The following GLIS2 variants were observed in gnomAD, a reference collection of about 807,000 sequenced individuals.
The protein encoded by GLIS2 is GLIS family zinc finger 2, also known as zinc finger protein GLIS2.
GLIS2 carries 14 observed loss-of-function variants against 35.6 expected under a neutral mutation model. That is an observed-to-expected ratio of 0.39 (90% CI 0.26 to 0.61). The LOEUF (loss-of-function observed/expected upper bound fraction) is 0.61. Ranked by LOEUF, GLIS2 falls within the 20% of genes least tolerant of loss-of-function variation. The pLI is 0.48. For missense variants in GLIS2, 675 were observed against 713.4 expected, an observed-to-expected ratio of 0.95 and a Z score of 0.61; for synonymous variants, 368 against 325.1, an observed-to-expected ratio of 1.13 and a Z score of -1.42.
At chr16:4,333,567 G>A in intron 3 of GLIS2, 48 bp downstream of exon 3, 1 of 1,561,590 alleles carries the variant, frequency 6.4e-7, no homozygotes, top group Admixed American at 1.8e-5. Flanking sequence ...TGGTTTCCTG[G>A]GGTTGCCATG....
chr16:4,327,812 C>G (rs556078437), intron 1 of GLIS2, among the ~76,000 whole-genome samples: 4 of 151,886 alleles, frequency 2.6e-5, no homozygotes, highest in African/African-American at 9.7e-5. Context: ...CTTCCTCCCG[C>G]TCGCCCCGCT....
chr16:4,318,686 C>T (rs1165740038), intron 1 of GLIS2, among the ~76,000 whole-genome samples: 1 of 152,202 alleles, frequency 6.6e-6, no homozygotes, highest in Non-Finnish European at 1.5e-5. Context: ...CCAAGGCCCC[C>T]ACTCTCCCCT....
At chr16:4,327,545 G>A (rs1372634015) in intron 1 of GLIS2, among the ~76,000 whole-genome samples, 1 of 152,198 alleles carries the variant, frequency 6.6e-6, no homozygotes, top group Non-Finnish European at 1.5e-5. Context: ...TGGCTACCTG[G>A]CCTGGCCGGG....
chr16:4,336,470 A>C, intron 6 of GLIS2: 1 of 609,674 alleles, frequency 1.6e-6, no homozygotes, highest in Non-Finnish European at 2.9e-6. Flanking sequence ...TCTGCTGCTG[A>C]AAGGCACATC....
At chr16:4,330,695 C>A (rs558517502) in intron 1 of GLIS2, among the ~76,000 whole-genome samples, 2 of 152,230 alleles carry the variant, frequency 1.3e-5, no homozygotes, top group African/African-American at 4.8e-5. Flanking sequence ...GGCGGGAGTC[C>A]GGAGCATGGC....
Position 4,318,985 on chromosome 16 carries a change from T to TG in GLIS2, c.-67+2738dup, listed in dbSNP as rs1057169498. Among the ~76,000 whole-genome samples, 5 of 151,804 alleles carry TG rather than the reference T, an allele frequency of 3.3e-5. No individual in the cohort carries two copies. In the East Asian group the frequency reaches 5.8e-4, roughly 18 times the overall value. On this transcript the variant is annotated intron_variant, in intron 1 of 6. Coordinates refer to ENST00000433375, the MANE Select transcript of GLIS2 (RefSeq NM_032575.3). ...GATGTGGAGCTCTTGTGGGGCATCTTGGGGGGGCTCCTGGGGAGGCACTTT... is the reference window on the plus strand; with the variant it reads ...GATGTGGAGCTCTTGTGGGGCATCTTGGGGGGGGCTCCTGGGGAGGCACTTT...
intron 1 of GLIS2, among the ~76,000 whole-genome samples, 48 bp downstream of exon 1, chr16:4,316,302 G>A (rs1039627785): frequency 2.1e-5 from 3 of 141,502 alleles, no homozygotes; most frequent in East Asian, 2.1e-4. Context: ...GCCGGGGCGG[G>A]GGGGGGGGGG....
In GLIS2 at chr16:4,337,085, T is replaced by C. The variant is rs1209128641; in HGVS notation, c.1136T>C (p.Leu379Pro). The C allele has an allele frequency of 7.2e-6, 11 of 1,536,846 alleles. No homozygotes were observed. Among genetic ancestry groups the C allele is most frequent in the South Asian group, 3.6e-5 (3 of 83,918 alleles). Residue 379 changes from leucine to proline, a missense_variant, in exon 7 of 7, where the codon CTT (leucine) becomes CCT (proline). By Grantham distance (98) the Leu-to-Pro change is moderately conservative. This residue lies in a region of GLIS2 where 317 missense variants were observed against 283.2 expected (regional missense o/e 1.12). Transcript: ENST00000433375. ...CCCCTACCCCTGGCCCCCGGCCCCCTTGACCTCAGTGCCCTGGCCTGTGGC... is the reference window on the plus strand; with the variant it reads ...CCCCTACCCCTGGCCCCCGGCCCCCCTGACCTCAGTGCCCTGGCCTGTGGC... ...GLPLPLAPGP[L>P]DLSALACGNG...
At chr16:4,326,007 G>A (rs1467500715) in intron 1 of GLIS2, among the ~76,000 whole-genome samples, 2 of 150,832 alleles carry the variant, frequency 1.3e-5, no homozygotes, top group African/African-American at 4.9e-5. Flanking sequence ...GGGAGGCCGA[G>A]GTGGGCGGAT....
At position 4,335,065 on chromosome 16, in the gene GLIS2, C is replaced by G. The variant is rs774999005; in HGVS notation, c.528C>G (p.Asn176Lys). The G allele has an allele frequency of 1.2e-6, 2 of 1,613,520 alleles. No homozygotes were observed. Among genetic ancestry groups the G allele is most frequent in the Non-Finnish European group, 1.7e-6 (2 of 1,180,042 alleles). Residue 176 changes from asparagine (N) to lysine (K), a missense_variant, in exon 5 of 7, where the codon AAC (asparagine) becomes AAG (lysine). Asn to Lys is a moderately conservative substitution (Grantham distance 94). Around this residue, in one of 3 missense-constraint regions of GLIS2, gnomAD observed 225 missense variants for 238.7 expected, o/e 0.94. Transcript: ENST00000433375. The surrounding 1 kb of genome is among the most constrained non-coding windows in gnomAD (Gnocchi z 4.6). ...ACACTTCCCATCCTCCGCAGTGTAA[C>G]CAGCTCTTTGAGCTCCTGCAAGACC... is the stretch of plus-strand genomic sequence containing the variant. ...KQLVCRWAKC[N>K]QLFELLQDLV...
chr16:4,336,346 C>T (rs899485698), intron 6 of GLIS2: 6 of 418,818 alleles, frequency 1.4e-5, no homozygotes, highest in Non-Finnish European at 2.7e-5. Flanking sequence ...GGGGTCTCAC[C>T]ATGTTGGCCC....
Position 4,333,512 on chromosome 16 carries a change from G to C in GLIS2, c.338G>C (p.Ser113Thr). Reference sequence around the variant, plus strand: ...AACGGGGACCTGCCTCCAGTGCCCAGTGCCTCGGTAAGGAGGGGTGAGAGT... The same window carrying C: ...AACGGGGACCTGCCTCCAGTGCCCACTGCCTCGGTAAGGAGGGGTGAGAGT... Reference protein sequence around the residue: ...QGNGDLPPVPSASDFQPLRYL... With the variant: ...QGNGDLPPVPTASDFQPLRYL... Residue 113 changes from serine to threonine, a missense_variant, in exon 3 of 7, where the codon AGT (serine) becomes ACT (threonine). By Grantham distance (58) the Ser-to-Thr change is moderately conservative (BLOSUM62 1). Around this residue, in one of 3 missense-constraint regions of GLIS2, gnomAD observed 225 missense variants for 238.7 expected, o/e 0.94. Transcript: ENST00000433375. The C allele has an allele frequency of 6.2e-7, 1 of 1,609,894 alleles. No homozygotes were observed. The highest frequency in any genetic ancestry group is 1.7e-4 in the Middle Eastern group (1 of 6,054).
intron 1 of GLIS2, among the ~76,000 whole-genome samples, chr16:4,324,320 C>G (rs565691741): frequency 6.6e-6 from 1 of 152,344 alleles, no homozygotes; most frequent in African/African-American, 2.4e-5. Flanking sequence ...GCTCCTCCCC[C>G]TCCAGTCCTG....
rs573523792 is a variant in GLIS2, at chr16:4,320,414, C to T, written c.-67+4160C>T. 2.6e-5 allele frequency among the ~76,000 whole-genome samples: 4 copies of T among 152,114 alleles called. No homozygotes were observed. Among genetic ancestry groups the T allele is most frequent in the East Asian group, 1.9e-4 (1 of 5,166 alleles). On this transcript the variant is annotated intron_variant, in intron 1 of 6. Transcript: ENST00000433375. This position sits in a 1 kb window ranked among gnomAD's most constrained non-coding sequence, Gnocchi z 5.6. ...TGGTAGTCAAGAGGTCGTCGGAGGCCGGTGGGGGGAAACTGAGGCTCTGAG... is the reference window on the plus strand; with the variant it reads ...TGGTAGTCAAGAGGTCGTCGGAGGCTGGTGGGGGGAAACTGAGGCTCTGAG...
In GLIS2 at chr16:4,338,144, C is replaced by T. The variant is rs528954326; in HGVS notation, c.*620C>T. ...GCCTCCCACTAGTTAGGAGGAGGCCCGCTCTGCAGCCGCCGTCCTCACCCC... is the reference window on the plus strand; with the variant it reads ...GCCTCCCACTAGTTAGGAGGAGGCCTGCTCTGCAGCCGCCGTCCTCACCCC... On this transcript the variant is annotated 3_prime_UTR_variant, in exon 7 of 7. Transcript: ENST00000433375. The T allele has an allele frequency of 5.7e-5, 9 of 158,810 alleles. No homozygotes were observed. Among genetic ancestry groups the T allele is most frequent in the Admixed American group, 3.0e-4 (5 of 16,574 alleles). 9.8% of individuals were successfully genotyped at this position (158,810 alleles called of 1,614,324 possible).
At position 4,337,131 on chromosome 16, in the gene GLIS2, TG is replaced by T. The variant is rs746968228; in HGVS notation, c.1190del (p.Gly397AlafsTer127). 11 of 1,530,152 alleles carry T rather than the reference TG, an allele frequency of 7.2e-6. No homozygotes were observed. Among genetic ancestry groups the T allele is most frequent in the South Asian group, 1.2e-5 (1 of 83,616 alleles). The allele number at this position is 1,530,152 out of a possible 1,614,324, so 94.8% of individuals were successfully genotyped here. A position where few individuals can be genotyped will look rare whatever the true frequency, so the allele number is the denominator to read the frequency against. ...GTGGCAACGGTGGGGGCAGTGGGGG[TG>T]GGGGGGGCATGGGCCCTGGGCTGCC... ...ACGNGGGSGG[G>X]GGMGPGLPGP... On this transcript the variant is annotated frameshift_variant, in exon 7 of 7. Transcript: ENST00000433375. LOFTEE classifies it high-confidence loss of function.
Position 4,332,528 on chromosome 16 carries a change from C to A in GLIS2, c.172+76C>A. On this transcript the variant is annotated intron_variant, in intron 2 of 6. Transcript: ENST00000433375. This position sits in a 1 kb window ranked among gnomAD's most constrained non-coding sequence, Gnocchi z 5.4. Reference sequence around the variant, plus strand: ...GACAGGGAGAATGGCCAAGTGTGTCCACCAGCATGTAGCTGCAGCCCCTCT... The same window carrying A: ...GACAGGGAGAATGGCCAAGTGTGTCAACCAGCATGTAGCTGCAGCCCCTCT... The A allele has an allele frequency of 1.3e-6, 2 of 1,526,222 alleles. No homozygotes were observed. Among genetic ancestry groups the A allele is most frequent in the Non-Finnish European group, 8.9e-7 (1 of 1,123,100 alleles). 94.5% of individuals were successfully genotyped at this position (1,526,222 alleles called of 1,614,324 possible).
chr16:4,317,786 T>C (rs2053330559), intron 1 of GLIS2, among the ~76,000 whole-genome samples: 1 of 152,134 alleles, frequency 6.6e-6, no homozygotes, highest in African/African-American at 2.4e-5. Flanking sequence ...CAGGAGACAG[T>C]GCCAGGGACT....
Position 4,332,249 on chromosome 16 carries a change from C to A in GLIS2, c.-32C>A. 6.2e-7 allele frequency: 1 copy of A among 1,607,656 alleles called. No individual in the cohort carries two copies. The highest frequency in any genetic ancestry group is 8.5e-7 in the Non-Finnish European group (1 of 1,178,020). On this transcript the variant is annotated 5_prime_UTR_variant, in exon 2 of 7. In the 5' UTR this introduces an upstream ATG that the reference lacks. Transcript: ENST00000433375. The surrounding 1 kb of genome is among the most constrained non-coding windows in gnomAD (Gnocchi z 5.4). ...TGAAGACCAGCTGGGAGCCCACTGC[C>A]TGCTGCCACCTCCAACTCCGGCCCC...
Sources: allele counts gnomAD v4.1 joint callset (sites outside exome capture counted in the v4.1 genomes callset), GRCh38; gene constraint gnomAD v4.1.1; regional missense constraint gnomAD v4.1.1; non-coding constraint Gnocchi (gnomAD v3.1); transcripts MANE v1.5; gene names NCBI Gene and HGNC (gene_info 2026-07-23, HGNC 2026-07-21).